CSMD1: variants seen among roughly 807,000 people sequenced by gnomAD.
CSMD1 encodes CUB and sushi domain-containing protein 1.
A neutral mutation model predicts 417.5 loss-of-function variants in CSMD1; 213 were observed. That is an observed-to-expected ratio of 0.51 (90% CI 0.46 to 0.57). The LOEUF is 0.57. Among genes scored for constraint, CSMD1 ranks in the 20% least tolerant of loss-of-function variants. The pLI is 0.00. For missense variants in CSMD1, 6,923 were observed against 4,529.7 expected (o/e 1.53, Z -15.17); for synonymous variants, 2,862 against 1,736.8 (o/e 1.65, Z -16.11).
intron 3 of CSMD1, among the ~76,000 whole-genome samples, chr8:4,060,346 G>A (rs1798907818): frequency 6.6e-6 from 1 of 152,148 alleles, no homozygotes; most frequent in Non-Finnish European, 1.5e-5. Flanking sequence ...CATACTGAAT[G>A]GGCCAAAACT....
At chr8:3,743,579 C>T (rs957554176) in intron 6 of CSMD1, among the ~76,000 whole-genome samples, 24 of 152,106 alleles carry the variant, frequency 1.6e-4, no homozygotes, top group African/African-American at 2.2e-4. Flanking sequence ...AAACTCATTA[C>T]GCCGAAGGGA....
chr8:4,819,863 C>T (rs1585154750), intron 1 of CSMD1, among the ~76,000 whole-genome samples: 1 of 151,944 alleles, frequency 6.6e-6, no homozygotes, highest in South Asian at 2.1e-4. Context: ...GGGAACCCTT[C>T]TCTAAGGGAA....
rs189883879 is a variant in CSMD1 at position 3,288,465 on chromosome 8, C to G, written c.3951-4119G>C. ...TGGTTGGTAAGCTACTGATTATTGC[C>G]TCAATTTCAGACCCTGTTATTGGTC... is the stretch of plus-strand genomic sequence containing the variant. On this transcript the variant is annotated intron_variant, in intron 25 of 69. Transcript: ENST00000635120. 6.1e-5 allele frequency among the ~76,000 whole-genome samples: 9 copies of G among 147,164 alleles called. No individual in the cohort carries two copies. In the East Asian group the frequency reaches 1.6e-3, roughly 26 times the overall value.
chr8:3,052,566 T>C lies in CSMD1; in HGVS notation c.7556A>G (p.Tyr2519Cys). Residue 2519 changes from tyrosine to cysteine, a missense_variant, in exon 50 of 70, where the codon TAT becomes TGT. Transcript: ENST00000635120. ...NEFTLDSKVV[Y>C]ECHEGFKLES... ...AAGCTTGAAGCCCTCATGACATTCA[T>C]AGACCACTTTACTGTCCAAAGTGAA... 6.2e-7 allele frequency: 1 copy of C among 1,610,800 alleles called. No homozygotes were observed.
intron 1 of CSMD1, among the ~76,000 whole-genome samples, chr8:4,974,359 G>A (rs1444173253): frequency 6.6e-6 from 1 of 152,026 alleles, no homozygotes; most frequent in Non-Finnish European, 1.5e-5. Context: ...ATGTCGGTTA[G>A]CACTTAGCTG....
At chr8:4,521,964 T>C (rs1671900776) in intron 2 of CSMD1, among the ~76,000 whole-genome samples, 1 of 152,214 alleles carries the variant, frequency 6.6e-6, no homozygotes. Context: ...CCAGATAGCC[T>C]GCCTTTTTGT....
intron 2 of CSMD1, among the ~76,000 whole-genome samples, chr8:4,467,232 A>G (rs916775915): frequency 6.6e-6 from 1 of 152,108 alleles, no homozygotes; most frequent in Admixed American, 6.6e-5. Flanking sequence ...CAAAGCTCCC[A>G]GGGACACATT....
At chr8:2,946,984 A>C (rs943534745) in intron 68 of CSMD1, among the ~76,000 whole-genome samples, 1 of 152,196 alleles carries the variant, frequency 6.6e-6, no homozygotes, top group Non-Finnish European at 1.5e-5. Context: ...ATTATAATCA[A>C]CATCTTTTCA....
chr8:4,640,186 G>A (rs887834828), intron 1 of CSMD1, among the ~76,000 whole-genome samples: 6 of 152,210 alleles, frequency 3.9e-5, no homozygotes, highest in Non-Finnish European at 8.8e-5. Flanking sequence ...AGTGCATGTT[G>A]CTGAATGAGT....
chr8:4,737,883 C>A (rs767160748), intron 1 of CSMD1, among the ~76,000 whole-genome samples: 7 of 152,056 alleles, frequency 4.6e-5, no homozygotes, highest in African/African-American at 1.7e-4. Flanking sequence ...AAGTTAATCC[C>A]AGATAATAAG....
At chr8:3,190,239 C>T (rs1041362272) in intron 33 of CSMD1, 124 bp from the exon 34 acceptor site, 3 of 626,310 alleles carry the variant, frequency 4.8e-6, no homozygotes, top group Non-Finnish European at 8.0e-6. Context: ...AATAACGACT[C>T]CAACAATCGC....
intron 1 of CSMD1, among the ~76,000 whole-genome samples, chr8:4,967,037 G>A (rs756750526): frequency 1.6e-4 from 25 of 152,070 alleles, no homozygotes; most frequent in Non-Finnish European, 2.5e-4. Context: ...ACCAGACATC[G>A]CAGTGTTCTC....
At chr8:4,663,424 G>A (rs1018346681) in intron 1 of CSMD1, among the ~76,000 whole-genome samples, 1 of 152,152 alleles carries the variant, frequency 6.6e-6, no homozygotes, top group Non-Finnish European at 1.5e-5. Flanking sequence ...TGTCCCTGCC[G>A]AAATCTCATG....
intron 3 of CSMD1, among the ~76,000 whole-genome samples, chr8:4,299,547 C>T (rs558085163): frequency 1.3e-5 from 2 of 152,190 alleles, no homozygotes; most frequent in Non-Finnish European, 2.9e-5. Context: ...AAATCAGTTT[C>T]TAGCTTCTCA....
At chr8:3,247,534 A>T (rs889786866) in intron 26 of CSMD1, among the ~76,000 whole-genome samples, 1 of 152,210 alleles carries the variant, frequency 6.6e-6, no homozygotes, top group Non-Finnish European at 1.5e-5. Context: ...GCTCAGGTCC[A>T]TCTGGGCCAG....
rs774438778 is a variant in CSMD1, at chr8:3,408,178, G to C, written c.1792C>G (p.Pro598Ala). 9 of 1,611,976 alleles carry C rather than the reference G, an allele frequency of 5.6e-6. No homozygotes were observed. The highest frequency in any genetic ancestry group is 5.1e-6 in the Non-Finnish European group (6 of 1,178,968). The change falls in exon 14 of 70, where the codon CCA becomes GCA. Residue 598 changes from proline (P) to alanine (A), a missense_variant. Coordinates refer to ENST00000635120, the MANE Select transcript of CSMD1 (RefSeq NM_033225.6). ...TTCCCATATTCCTCTGGATAATTTG[G>C]TGACAGAATAATCCCAGATGATGCC... is the stretch of plus-strand genomic sequence containing the variant. ...FTASSGIILS[P>A]NYPEEYGNNM...
At chr8:4,669,418 G>T (rs937524363) in intron 1 of CSMD1, among the ~76,000 whole-genome samples, 1 of 152,156 alleles carries the variant, frequency 6.6e-6, no homozygotes, top group Non-Finnish European at 1.5e-5. Context: ...TGAGAAAATA[G>T]TTGTAGTTTT....
chr8:3,779,490 C>A (rs530624978), intron 5 of CSMD1, among the ~76,000 whole-genome samples: 1 of 152,074 alleles, frequency 6.6e-6, no homozygotes, highest in African/African-American at 2.4e-5. Context: ...TTATAGTATT[C>A]ACTGATTTCA....
chr8:4,325,660 T>C (rs114018663), intron 3 of CSMD1, among the ~76,000 whole-genome samples: 1 of 152,008 alleles, frequency 6.6e-6, no homozygotes, highest in East Asian at 1.9e-4. Flanking sequence ...ACAACAACCA[T>C]CATGCTCATC....
Sources: gnomAD v4.1 joint callset for allele counts (sites outside exome capture counted in the v4.1 genomes callset) on GRCh38, gnomAD v4.1.1 for gene constraint, MANE v1.5 for transcripts, NCBI Gene and HGNC (gene_info 2026-07-23, HGNC 2026-07-21) for gene names.